Variants in PLCH1 observed in about 807,000 individuals in gnomAD.
PLCH1 encodes the protein phospholipase C eta 1, also known as 1-phosphatidylinositol 4,5-bisphosphate phosphodiesterase eta-1.
In PLCH1, 60 loss-of-function variants were observed where a neutral mutation model predicts 126.7. The ratio of observed to expected loss-of-function variants is 0.47; its 90% CI spans 0.38 to 0.59. The LOEUF (loss-of-function observed/expected upper bound fraction) is 0.59, where lower values mean the gene tolerates loss of function less well. Among genes scored for constraint, PLCH1 ranks in the 20% least tolerant of loss-of-function variants. The pLI is 0.00. For synonymous variants in PLCH1, 719 were observed against 734.9 expected (o/e 0.98, Z 0.35); for missense variants, 1,723 against 2,040.0 (o/e 0.84, Z 2.99).
chr3:155,506,608 T>A (rs925015639), intron 12 of PLCH1, among the ~76,000 whole-genome samples: 2 of 137,738 alleles, frequency 1.5e-5, no homozygotes, highest in African/African-American at 5.4e-5. Context: ...CGGTGTTTGG[T>A]TTTTTGTTCT....
At chr3:155,696,222 G>C (rs191669623) in intron 2 of PLCH1, among the ~76,000 whole-genome samples, 1 of 152,148 alleles carries the variant, frequency 6.6e-6, no homozygotes, top group Admixed American at 6.6e-5. Context: ...AAACATATTT[G>C]CTGAAAGGAA....
chr3:155,573,683 A>T (rs1348396477), intron 6 of PLCH1, among the ~76,000 whole-genome samples: 1 of 152,206 alleles, frequency 6.6e-6, no homozygotes, highest in African/African-American at 2.4e-5. Context: ...TAGGCTCCAG[A>T]ACCTGTACAT....
chr3:155,456,905 T>C (rs895069315), intron 21 of PLCH1: 3 of 152,892 alleles, frequency 2.0e-5, no homozygotes, highest in Non-Finnish European at 4.4e-5. Flanking sequence ...GGTGGCCCAG[T>C]GCAAAATAAA....
intron 8 of PLCH1, among the ~76,000 whole-genome samples, chr3:155,554,722 T>C (rs937901010): frequency 6.6e-6 from 1 of 152,232 alleles, no homozygotes; most frequent in African/African-American, 2.4e-5. Flanking sequence ...CTTCCTAAGT[T>C]CAAATCCTCG....
At chr3:155,455,979 C>T (rs1338833654) in intron 21 of PLCH1, among the ~76,000 whole-genome samples, 1 of 152,164 alleles carries the variant, frequency 6.6e-6, no homozygotes, top group African/African-American at 2.4e-5. Flanking sequence ...CATTCATGAG[C>T]ACAGGCTCTG....
intron 2 of PLCH1, among the ~76,000 whole-genome samples, chr3:155,690,042 A>G (rs983661458): frequency 6.6e-6 from 1 of 151,808 alleles, no homozygotes; most frequent in Non-Finnish European, 1.5e-5. Flanking sequence ...GAGAAAAAAA[A>G]GAATAAAAAA....
At chr3:155,695,597 A>G (rs1409965238) in intron 2 of PLCH1, among the ~76,000 whole-genome samples, 1 of 152,284 alleles carries the variant, frequency 6.6e-6, no homozygotes, top group Non-Finnish European at 1.5e-5. Flanking sequence ...TGTGCTGCAG[A>G]TAGAAGTCAG....
intron 11 of PLCH1, among the ~76,000 whole-genome samples, chr3:155,520,198 C>T (rs932921800): frequency 2.0e-5 from 3 of 152,186 alleles, no homozygotes; most frequent in Non-Finnish European, 1.5e-5. Flanking sequence ...CTTTCAACAG[C>T]AAGACCTTGT....
chr3:155,522,828 G>A (rs192503449), intron 11 of PLCH1, among the ~76,000 whole-genome samples: 1 of 151,688 alleles, frequency 6.6e-6, no homozygotes, highest in Admixed American at 6.6e-5. Flanking sequence ...CTCTCAGGTT[G>A]CTGTGTTACT....
At chr3:155,511,802 T>C (rs906235960) in intron 12 of PLCH1, among the ~76,000 whole-genome samples, 9 of 150,866 alleles carry the variant, frequency 6.0e-5, no homozygotes, top group African/African-American at 2.2e-4. Flanking sequence ...CTGCTGTCTG[T>C]TTGTTTGTCT....
intron 2 of PLCH1, among the ~76,000 whole-genome samples, chr3:155,686,835 A>G (rs1744988598): frequency 6.6e-6 from 1 of 152,180 alleles, no homozygotes; most frequent in African/African-American, 2.4e-5. Context: ...AGTTCTGAAA[A>G]TTCTATACAA....
intron 7 of PLCH1, among the ~76,000 whole-genome samples, chr3:155,567,366 C>T (rs1388201591): frequency 3.9e-5 from 6 of 152,138 alleles, no homozygotes; most frequent in East Asian, 1.9e-4. Flanking sequence ...CCACCACACC[C>T]GGCTAATGAT....
chr3:155,680,610 T>C (rs1449686819), intron 2 of PLCH1, among the ~76,000 whole-genome samples: 1 of 152,148 alleles, frequency 6.6e-6, no homozygotes, highest in East Asian at 1.9e-4. Context: ...AAGTTGTACA[T>C]TGAGAGCATA....
intron 1 of PLCH1, among the ~76,000 whole-genome samples, chr3:155,730,286 T>C (rs1748671646): frequency 6.6e-6 from 1 of 151,840 alleles, no homozygotes; most frequent in South Asian, 2.1e-4. Context: ...TGATTAGTTT[T>C]TTTTTTTTCT....
At chr3:155,535,875 G>A (rs1390694222) in intron 10 of PLCH1, among the ~76,000 whole-genome samples, 1 of 152,102 alleles carries the variant, frequency 6.6e-6, no homozygotes, top group Admixed American at 6.5e-5. Flanking sequence ...ACCAGCATTC[G>A]AGAAAACCAG....
intron 1 of PLCH1, among the ~76,000 whole-genome samples, chr3:155,717,581 C>T (rs1259874252): frequency 6.6e-6 from 1 of 152,256 alleles, no homozygotes; most frequent in African/African-American, 2.4e-5. Flanking sequence ...GGCTTGAAAT[C>T]TCTGAAGCAG....
intron 10 of PLCH1, among the ~76,000 whole-genome samples, chr3:155,536,822 G>A (rs773533307): frequency 1.1e-4 from 17 of 152,008 alleles, no homozygotes; most frequent in Non-Finnish European, 2.1e-4. Context: ...GAAGCTCAAA[G>A]AACACCTAGA....
chr3:155,662,753 C>G (rs561751483), intron 2 of PLCH1, among the ~76,000 whole-genome samples: 2 of 152,278 alleles, frequency 1.3e-5, no homozygotes, highest in South Asian at 4.1e-4. Context: ...CAACCTCCAC[C>G]TCCCAGGTTC....
At chr3:155,555,936 T>C (rs1726762762) in intron 8 of PLCH1, among the ~76,000 whole-genome samples, 1 of 152,150 alleles carries the variant, frequency 6.6e-6, no homozygotes. Context: ...AGATAACTAC[T>C]TACTGTTAAT....
Sources: gnomAD v4.1 joint callset for allele counts (sites outside exome capture counted in the v4.1 genomes callset) on GRCh38, gnomAD v4.1.1 for gene constraint, MANE v1.5 for transcripts, NCBI Gene and HGNC (gene_info 2026-07-23, HGNC 2026-07-21) for gene names.